TNFSF4: variants seen among roughly 807,000 people sequenced by gnomAD.
The protein encoded by TNFSF4 is tumor necrosis factor ligand superfamily member 4.
In TNFSF4, 4 loss-of-function variants were observed where a neutral mutation model predicts 7.3. That is an observed-to-expected ratio of 0.55 (90% confidence interval 0.27 to 1.25). The LOEUF is 1.25. Among genes scored for constraint, TNFSF4 ranks in the 50% most tolerant of loss-of-function variants. The probability of loss-of-function intolerance (pLI) is 0.12; values close to 1 mark genes in which losing one functional copy is unlikely to be tolerated. For synonymous variants in TNFSF4, 76 were observed against 83.7 expected (o/e 0.91, Z 0.50); for missense variants, 181 against 208.8 (o/e 0.87, Z 0.82).
the TNFSF4 span, among the ~76,000 whole-genome samples, chr1:173,262,976 C>T: frequency 6.6e-6 from 1 of 152,316 alleles, no homozygotes; most frequent in Admixed American, 6.5e-5. Context: ...AATCACTACC[C>T]ATTCCTATAC....
At chr1:173,391,103 T>C in the TNFSF4 span, among the ~76,000 whole-genome samples, 2 of 152,102 alleles carry the variant, frequency 1.3e-5, no homozygotes, top group Non-Finnish European at 2.9e-5. Flanking sequence ...TGTTTTCCTC[T>C]TGCTTAATAA....
the TNFSF4 span, among the ~76,000 whole-genome samples, chr1:173,387,674 C>A: frequency 0.011 from 1,709 of 152,202 alleles, 21 homozygotes; most frequent in African/African-American, 0.038. Flanking sequence ...AGAGTCCTAA[C>A]TAGCCTGAAA....
At chr1:173,263,520 T>C in the TNFSF4 span, among the ~76,000 whole-genome samples, 2 of 152,202 alleles carry the variant, frequency 1.3e-5, no homozygotes, top group Non-Finnish European at 2.9e-5. Context: ...AAGCAAAAAA[T>C]TGGAAACCAC....
chr1:173,359,747 G>T, the TNFSF4 span, among the ~76,000 whole-genome samples: 2 of 152,136 alleles, frequency 1.3e-5, no homozygotes, highest in Non-Finnish European at 2.9e-5. Flanking sequence ...TTTAAGGGCA[G>T]GTCTGCTAAG....
chr1:173,378,305 G>C, the TNFSF4 span, among the ~76,000 whole-genome samples: 1 of 150,876 alleles, frequency 6.6e-6, no homozygotes, highest in Non-Finnish European at 1.5e-5. Context: ...GCAGGTTCTT[G>C]GGCAAGAGGT....
At chr1:173,249,721 G>T in the TNFSF4 span, among the ~76,000 whole-genome samples, 1 of 152,170 alleles carries the variant, frequency 6.6e-6, no homozygotes, top group African/African-American at 2.4e-5. Context: ...GCCTTTAGCA[G>T]CAAGACTACA....
the TNFSF4 span, among the ~76,000 whole-genome samples, chr1:173,307,740 T>TAC: frequency 2.1e-4 from 32 of 151,298 alleles, no homozygotes; most frequent in African/African-American, 4.4e-4. Flanking sequence ...AATAGGTACA[T>TAC]ACACACACAC....
At chr1:173,222,792 T>A in the TNFSF4 span, among the ~76,000 whole-genome samples, 1 of 152,132 alleles carries the variant, frequency 6.6e-6, no homozygotes, top group Admixed American at 6.5e-5. Context: ...GAAAATATGA[T>A]CGTTAAAACT....
chr1:173,421,057 T>C, the TNFSF4 span, among the ~76,000 whole-genome samples: 120,992 of 152,158 alleles, frequency 0.8, 48,170 homozygotes, highest in South Asian at 0.88. Flanking sequence ...AACCTAACTG[T>C]GGTATTATTT....
At chr1:173,307,873 A>T in the TNFSF4 span, among the ~76,000 whole-genome samples, 1 of 151,950 alleles carries the variant, frequency 6.6e-6, no homozygotes, top group Non-Finnish European at 1.5e-5. Context: ...TTATTTCAAA[A>T]TAAAAGTTTA....
the TNFSF4 span, among the ~76,000 whole-genome samples, chr1:173,295,465 C>T: frequency 6.6e-6 from 1 of 151,966 alleles, no homozygotes; most frequent in Non-Finnish European, 1.5e-5. Context: ...TTTAAAATTT[C>T]CTTTGAAAGC....
the TNFSF4 span, among the ~76,000 whole-genome samples, chr1:173,217,946 C>T: frequency 6.6e-6 from 1 of 151,910 alleles, no homozygotes; most frequent in Non-Finnish European, 1.5e-5. Flanking sequence ...ACAGGGTCTC[C>T]CTATGTTGCC....
chr1:173,201,517 G>A (rs1649943001), intron 1 of TNFSF4, among the ~76,000 whole-genome samples: 1 of 152,120 alleles, frequency 6.6e-6, no homozygotes, highest in Non-Finnish European at 1.5e-5. Context: ...AATAATCTTA[G>A]CATTTACAAA....
the TNFSF4 span, among the ~76,000 whole-genome samples, chr1:173,257,929 A>G: frequency 6.6e-6 from 1 of 152,296 alleles, no homozygotes; most frequent in East Asian, 1.9e-4. Context: ...TCAACTTTCT[A>G]ATCTCATGGT....
chr1:173,363,492 T>C, the TNFSF4 span: 1 of 433,946 alleles, frequency 2.3e-6, no homozygotes, highest in South Asian at 2.0e-5. Flanking sequence ...CCAGAATCAT[T>C]TCAAGTTCCA....
the TNFSF4 span, among the ~76,000 whole-genome samples, chr1:173,423,063 G>C: frequency 6.6e-6 from 1 of 151,834 alleles, no homozygotes; most frequent in Admixed American, 6.6e-5. Flanking sequence ...CCGCCTCCCA[G>C]GTTCAAGCGA....
the TNFSF4 span, among the ~76,000 whole-genome samples, chr1:173,433,002 C>T: frequency 1.3e-5 from 2 of 152,070 alleles, no homozygotes; most frequent in Non-Finnish European, 2.9e-5. Context: ...TACACATATA[C>T]GTAACATATA....
chr1:173,424,558 C>T, the TNFSF4 span, among the ~76,000 whole-genome samples: 1 of 152,136 alleles, frequency 6.6e-6, no homozygotes, highest in Non-Finnish European at 1.5e-5. Context: ...GGAAGCAATG[C>T]TGTTGATGCT....
chr1:173,294,535 A>G, the TNFSF4 span, among the ~76,000 whole-genome samples: 2 of 151,934 alleles, frequency 1.3e-5, no homozygotes, highest in African/African-American at 4.8e-5. Flanking sequence ...CATACCCCAA[A>G]CCTCCACAAC....
Sources: gnomAD v4.1 joint callset for allele counts (sites outside exome capture counted in the v4.1 genomes callset) on GRCh38, gnomAD v4.1.1 for gene constraint, MANE v1.5 for transcripts, NCBI Gene and HGNC (gene_info 2026-07-23, HGNC 2026-07-21) for gene names.